The following KCNIP4 variants were observed in gnomAD, a reference collection of about 807,000 sequenced individuals.
KCNIP4 encodes potassium voltage-gated channel interacting protein 4.
A neutral mutation model predicts 34.0 loss-of-function variants in KCNIP4; 12 were observed. That is an observed-to-expected ratio of 0.35 (90% confidence interval 0.23 to 0.57). The LOEUF is 0.57. Among genes scored for constraint, KCNIP4 ranks in the 20% least tolerant of loss-of-function variants. The probability of loss-of-function intolerance (pLI) is 0.83; values close to 1 mark genes in which losing one functional copy is unlikely to be tolerated. For synonymous variants in KCNIP4, 124 were observed against 102.2 expected (o/e 1.21, Z -1.29); for missense variants, 238 against 311.7 (o/e 0.76, Z 1.78).
At chr4:21,225,543 G>A (rs1758316709) in intron 1 of KCNIP4, among the ~76,000 whole-genome samples, 1 of 152,002 alleles carries the variant, frequency 6.6e-6, no homozygotes, top group Non-Finnish European at 1.5e-5. Flanking sequence ...AAGTATCCTG[G>A]TTTTTATAAT....
chr4:20,866,133 G>T (rs906797284), intron 2 of KCNIP4, among the ~76,000 whole-genome samples: 1 of 151,924 alleles, frequency 6.6e-6, no homozygotes, highest in African/African-American at 2.4e-5. Flanking sequence ...TCAAGGAGGA[G>T]GAGCCCCTCC....
Position 21,651,918 on chromosome 4 carries a change from T to C in KCNIP4, c.61+296653A>G, listed in dbSNP as rs183719952. ...TACAGATATACATATAAAATGTATA[T>C]ATAATTTGGACAAATACCAGAAAAG... On this transcript the variant is annotated intron_variant, in intron 1 of 8. Transcript: ENST00000382152. 3.3e-5 allele frequency among the ~76,000 whole-genome samples: 5 copies of C among 152,314 alleles called. No homozygotes were observed. In the South Asian group the frequency reaches 6.2e-4, roughly 19 times the overall value.
intron 1 of KCNIP4, among the ~76,000 whole-genome samples, chr4:20,897,519 G>A (rs1234229307): frequency 8.0e-6 from 1 of 124,764 alleles, no homozygotes; most frequent in African/African-American, 3.1e-5. Context: ...CCCTCCCCCC[G>A]CCACCCACAT....
intron 1 of KCNIP4, among the ~76,000 whole-genome samples, chr4:21,518,277 G>A (rs1044268470): frequency 2.6e-5 from 4 of 152,148 alleles, no homozygotes; most frequent in African/African-American, 9.7e-5. Flanking sequence ...CTCAAATCCG[G>A]CATCACCCTG....
intron 1 of KCNIP4, among the ~76,000 whole-genome samples, chr4:21,819,441 T>C (rs1380922516): frequency 6.6e-6 from 1 of 152,236 alleles, no homozygotes; most frequent in African/African-American, 2.4e-5. Context: ...CTTGTTATTT[T>C]CCTTCACGTG....
At chr4:21,685,794 A>G (rs1485623143) in intron 1 of KCNIP4, among the ~76,000 whole-genome samples, 6 of 152,232 alleles carry the variant, frequency 3.9e-5, no homozygotes, top group Admixed American at 3.3e-4. Context: ...AAGGACTTGT[A>G]CCACTTTGAG....
chr4:21,225,327 C>G (rs1009979972), intron 1 of KCNIP4, among the ~76,000 whole-genome samples: 7 of 152,124 alleles, frequency 4.6e-5, no homozygotes, highest in African/African-American at 1.7e-4. Flanking sequence ...ATCCTTTCAA[C>G]CTAAATTTTG....
chr4:21,555,201 C>A (rs888769324), intron 1 of KCNIP4, among the ~76,000 whole-genome samples: 9 of 152,102 alleles, frequency 5.9e-5, no homozygotes, highest in African/African-American at 2.2e-4. Flanking sequence ...CTGCATTAAC[C>A]TGTCTGAGGT....
At chr4:21,366,279 A>T (rs1390259) in intron 1 of KCNIP4, among the ~76,000 whole-genome samples, 138,775 of 152,148 alleles carry the variant, frequency 0.91, 63,359 homozygotes, top group Non-Finnish European at 0.93. Context: ...AAAAATAAAA[A>T]AAACATACTC....
intron 1 of KCNIP4, among the ~76,000 whole-genome samples, chr4:21,911,056 A>C (rs1341821161): frequency 6.6e-6 from 1 of 152,112 alleles, no homozygotes. Flanking sequence ...GCATACAATG[A>C]GTTGACAGCC....
chr4:21,702,939 G>A (rs1712972852), intron 1 of KCNIP4, among the ~76,000 whole-genome samples: 1 of 151,740 alleles, frequency 6.6e-6, no homozygotes, highest in African/African-American at 2.4e-5. Flanking sequence ...ATGCAAGCCT[G>A]GGTCAATATT....
Position 21,447,386 on chromosome 4 carries a change from AGTGTTGATTTCAGG to A in KCNIP4, c.61+501171_61+501184del, listed in dbSNP as rs531781249. 3.4e-4 allele frequency among the ~76,000 whole-genome samples: 52 copies of A among 152,240 alleles called. No individual in the cohort carries two copies. The South Asian group carries it at 0.011, about 31-fold the overall frequency. On this transcript the variant is annotated intron_variant, in intron 1 of 8. Transcript: ENST00000382152. The stretch of plus-strand genomic sequence containing the variant: ...GCTGACAACTTGATCTTGGCCTAGC[AGTGTTGATTTCAGG>A]CATCTGGACTCCAGAATTGTGAGAG...
intron 1 of KCNIP4, among the ~76,000 whole-genome samples, chr4:21,129,225 G>A (rs1380337182): frequency 2.0e-5 from 3 of 152,152 alleles, no homozygotes; most frequent in South Asian, 2.1e-4. Flanking sequence ...CTTCCACCAC[G>A]ATTGTGAGGC....
At chr4:20,758,650 A>G (rs530509956) in intron 4 of KCNIP4, among the ~76,000 whole-genome samples, 171 bp downstream of exon 4, 1 of 152,318 alleles carries the variant, frequency 6.6e-6, no homozygotes, top group South Asian at 2.1e-4. Context: ...GATAATTTCT[A>G]AGTCGCTGGC....
At chr4:21,873,018 T>A (rs1444763877) in intron 1 of KCNIP4, among the ~76,000 whole-genome samples, 1 of 152,200 alleles carries the variant, frequency 6.6e-6, no homozygotes, top group Non-Finnish European at 1.5e-5. Flanking sequence ...TATAGATTCA[T>A]TGATATCATT....
At chr4:21,567,888 G>A (rs1387077878) in intron 1 of KCNIP4, among the ~76,000 whole-genome samples, 1 of 152,000 alleles carries the variant, frequency 6.6e-6, no homozygotes, top group East Asian at 1.9e-4. Context: ...GTACCAGTGG[G>A]GCAGAAACAC....
chr4:21,072,673 G>T (rs1745077505), intron 1 of KCNIP4, among the ~76,000 whole-genome samples: 1 of 152,130 alleles, frequency 6.6e-6, no homozygotes, highest in South Asian at 2.1e-4. Context: ...GTCAATTTTG[G>T]TTTTTGTTGC....
intron 1 of KCNIP4, among the ~76,000 whole-genome samples, chr4:21,079,527 C>G (rs979994838): frequency 6.7e-6 from 1 of 150,064 alleles, no homozygotes; most frequent in African/African-American, 2.5e-5. Flanking sequence ...TTGCCTTTCT[C>G]TTAATAGCTC....
chr4:20,987,867 G>C (rs1445721756), intron 1 of KCNIP4, among the ~76,000 whole-genome samples: 1 of 151,600 alleles, frequency 6.6e-6, no homozygotes, highest in Non-Finnish European at 1.5e-5. Flanking sequence ...CGGGCGTGGT[G>C]GTGGGCGCCT....
Sources: gnomAD v4.1 joint callset for allele counts (sites outside exome capture counted in the v4.1 genomes callset) on GRCh38, gnomAD v4.1.1 for gene constraint, MANE v1.5 for transcripts, NCBI Gene and HGNC (gene_info 2026-07-23, HGNC 2026-07-21) for gene names.